Variants in GBE1 observed in about 807,000 individuals in gnomAD.
The protein encoded by GBE1 is 1,4-alpha-glucan-branching enzyme.
In GBE1, 70 loss-of-function variants were observed where a neutral mutation model predicts 88.8. The observed-to-expected ratio is 0.79, with a 90% CI of 0.65 to 0.96. The LOEUF (loss-of-function observed/expected upper bound fraction) is 0.96. Ranked by LOEUF, GBE1 falls within the 40% of genes least tolerant of loss-of-function variation. The pLI, the probability that GBE1 is intolerant of heterozygous loss-of-function variation, is 0.00. For missense variants in GBE1, 872 were observed against 871.0 expected (o/e 1.00, Z -0.01); for synonymous variants, 284 against 300.1 (o/e 0.95, Z 0.56).
At chr3:81,614,005 AG>A (rs1450886898) in intron 7 of GBE1, among the ~76,000 whole-genome samples, 8 of 150,554 alleles carry the variant, frequency 5.3e-5, no homozygotes, top group African/African-American at 1.9e-4. Context: ...TAAGTTGCTT[AG>A]TGAACCCCAA....
intron 2 of GBE1, among the ~76,000 whole-genome samples, chr3:81,673,973 A>G (rs966881360): frequency 1.4e-4 from 22 of 151,956 alleles, no homozygotes; most frequent in Admixed American, 1.3e-3. Flanking sequence ...TAAACTATGT[A>G]GAGCATACTA....
chr3:81,593,918 G>T lies in GBE1; in HGVS notation c.1098C>A (p.His366Gln), dbSNP rs751171978. The change falls in exon 8 of 16, where the codon CAC becomes CAA. Residue 366 changes from histidine to glutamine, a missense_variant. Physicochemically the swap from His to Gln is conservative, Grantham distance 24 (BLOSUM62 0). Transcript: ENST00000429644. ...FDGVTSMLYH[H>Q]HGVGQGFSGD... The stretch of plus-strand genomic sequence containing the variant: ...TATCAGGTTACCTACCCACTCCATG[G>T]TGATGATAAAGCATGGACGTAACAC... 2 of 1,539,884 alleles carry T rather than the reference G, an allele frequency of 1.3e-6. No homozygotes were observed. The highest frequency in any genetic ancestry group is 8.8e-7 in the Non-Finnish European group (1 of 1,130,068).
Position 81,673,327 on chromosome 3 carries a change from A to G in GBE1, c.314-2374T>C, listed in dbSNP as rs563570362. Among the ~76,000 whole-genome samples the G allele has an allele frequency of 7.2e-5, 11 of 152,004 alleles. 1 individual carries two copies. Among genetic ancestry groups the G allele is most frequent in the Admixed American group, 6.6e-4 (10 of 15,254 alleles). On this transcript the variant is annotated intron_variant, in intron 2 of 15. Coordinates refer to ENST00000429644, the MANE Select transcript of GBE1 (RefSeq NM_000158.4). ...TAGTTCATTCATTCATTCATTAAAT[A>G]TGTACTCCGTGCTTAATGCAGGCCC...
At position 81,605,264 on chromosome 3, in the gene GBE1, T is replaced by G. The variant is rs548760505; in HGVS notation, c.993-11241A>C. Among the ~76,000 whole-genome samples, 425 of 152,304 alleles carry G rather than the reference T, an allele frequency of 2.8e-3. 2 individuals are homozygous for G. The highest frequency in any genetic ancestry group is 0.01 in the Middle Eastern group (3 of 294). ...AGACTTTCAAAGGGTTCTGCAATGA[T>G]TAATTTAACAATCTACCCATATTGC... On this transcript the variant is annotated intron_variant, in intron 7 of 15. Coordinates refer to ENST00000429644, the MANE Select transcript of GBE1 (RefSeq NM_000158.4).
intron 1 of GBE1, among the ~76,000 whole-genome samples, chr3:81,741,806 C>A (rs1706352652): frequency 6.8e-6 from 1 of 147,658 alleles, no homozygotes; most frequent in South Asian, 2.1e-4. Context: ...TTATACTCTA[C>A]ATAATATAGA....
At chr3:81,615,991 G>C (rs565096017) in intron 7 of GBE1, among the ~76,000 whole-genome samples, 1 of 152,186 alleles carries the variant, frequency 6.6e-6, no homozygotes, top group East Asian at 1.9e-4. Flanking sequence ...TCTCATTGTA[G>C]TTTTAGTATC....
At chr3:81,495,121 GCTCACGC>G (rs1173379509) in intron 15 of GBE1, among the ~76,000 whole-genome samples, 1 of 152,210 alleles carries the variant, frequency 6.6e-6, no homozygotes, top group African/African-American at 2.4e-5. Context: ...GGGCATAGTG[GCTCACGC>G]CTGTAATCCC....
chr3:81,506,030 C>T (rs1420832697), intron 14 of GBE1, among the ~76,000 whole-genome samples: 5 of 151,968 alleles, frequency 3.3e-5, no homozygotes, highest in African/African-American at 9.7e-5. Context: ...GATTTCATGA[C>T]GAAGACACTA....
At chr3:81,639,945 A>T (rs546007238) in intron 7 of GBE1, among the ~76,000 whole-genome samples, 29 of 152,292 alleles carry the variant, frequency 1.9e-4, no homozygotes, top group Middle Eastern at 6.8e-3. Flanking sequence ...GTATACCCAA[A>T]TTGTGAGTTT....
chr3:81,687,381 T>C (rs1450954226), intron 2 of GBE1, among the ~76,000 whole-genome samples: 2 of 152,206 alleles, frequency 1.3e-5, no homozygotes, highest in Non-Finnish European at 1.5e-5. Flanking sequence ...CAATTTCTTC[T>C]ACCAACTTTT....
intron 3 of GBE1, among the ~76,000 whole-genome samples, chr3:81,659,261 T>C (rs1704987703): frequency 6.6e-6 from 1 of 152,080 alleles, no homozygotes; most frequent in African/African-American, 2.4e-5. Flanking sequence ...TAAGTATAAT[T>C]ACAAAAGTCT....
intron 1 of GBE1, among the ~76,000 whole-genome samples, chr3:81,760,433 T>A (rs2107248781): frequency 6.6e-6 from 1 of 152,344 alleles, no homozygotes; most frequent in South Asian, 2.1e-4. Context: ...ATGTTTTCCA[T>A]CACTCGAAAA....
intron 7 of GBE1, among the ~76,000 whole-genome samples, chr3:81,600,921 C>A (rs923779508): frequency 1.3e-5 from 2 of 151,696 alleles, no homozygotes; most frequent in Admixed American, 6.6e-5. Context: ...CACATGCATG[C>A]GTGTGTGTGT....
At position 81,503,750 on chromosome 3, in the gene GBE1, C is replaced by T. The variant is rs150935687; in HGVS notation, c.1935-4523G>A. Among the ~76,000 whole-genome samples, 312 of 152,076 alleles carry T rather than the reference C, an allele frequency of 2.1e-3. 3 individuals carry two copies. The highest frequency in any genetic ancestry group is 0.015 in the South Asian group (70 of 4,802). ...ATCTGATTACTTTACTCTCTATATGCGGCACCAATTTTATGCCAAGAATAC... is the reference window on the plus strand; with the variant it reads ...ATCTGATTACTTTACTCTCTATATGTGGCACCAATTTTATGCCAAGAATAC... On this transcript the variant is annotated intron_variant, in intron 14 of 15. Coordinates refer to ENST00000429644, the MANE Select transcript of GBE1 (RefSeq NM_000158.4).
intron 12 of GBE1, among the ~76,000 whole-genome samples, chr3:81,546,032 T>A (rs954549540): frequency 3.3e-5 from 5 of 152,182 alleles, no homozygotes; most frequent in African/African-American, 7.2e-5. Flanking sequence ...TATGTTATTA[T>A]GCAGTATTGT....
intron 13 of GBE1, among the ~76,000 whole-genome samples, chr3:81,536,652 C>G (rs917098777): frequency 6.6e-6 from 1 of 151,978 alleles, no homozygotes; most frequent in Admixed American, 6.6e-5. Context: ...TTATTTTAAC[C>G]AATAAAAATA....
At chr3:81,604,507 G>C (rs1164303096) in intron 7 of GBE1, among the ~76,000 whole-genome samples, 2 of 151,798 alleles carry the variant, frequency 1.3e-5, no homozygotes, top group Non-Finnish European at 2.9e-5. Context: ...GCCTGGTCTT[G>C]AACTCCTGGA....
chr3:81,599,794 A>T (rs1704008347), intron 7 of GBE1, among the ~76,000 whole-genome samples: 1 of 152,224 alleles, frequency 6.6e-6, no homozygotes, highest in Non-Finnish European at 1.5e-5. Flanking sequence ...GACTAGTTCA[A>T]ATCAAGTGGC....
chr3:81,712,068 C>T (rs1360435256), intron 1 of GBE1, among the ~76,000 whole-genome samples: 3 of 152,148 alleles, frequency 2.0e-5, no homozygotes, highest in Admixed American at 2.0e-4. Flanking sequence ...TCATCACTGG[C>T]CATCAGAGAA....
Sources: gnomAD v4.1 joint callset for allele counts (sites outside exome capture counted in the v4.1 genomes callset) on GRCh38, gnomAD v4.1.1 for gene constraint, MANE v1.5 for transcripts, NCBI Gene and HGNC (gene_info 2026-07-23, HGNC 2026-07-21) for gene names.